ARHGEF3: variants seen among roughly 807,000 people sequenced by gnomAD.
The protein encoded by ARHGEF3 is Rho guanine nucleotide exchange factor 3, also known as 59.8 kDA protein.
ARHGEF3 carries 28 observed loss-of-function variants against 63.2 expected under a neutral mutation model. That is an observed-to-expected ratio of 0.44 (90% CI 0.33 to 0.61). The LOEUF (loss-of-function observed/expected upper bound fraction) is 0.61, where lower values mean the gene tolerates loss of function less well. Ranked by LOEUF, ARHGEF3 falls within the 20% of genes least tolerant of loss-of-function variation. The pLI, the probability that ARHGEF3 is intolerant of heterozygous loss-of-function variation, is 0.03. For synonymous variants in ARHGEF3, 266 were observed against 254.2 expected (o/e 1.05, Z -0.44); for missense variants, 533 against 659.3 (o/e 0.81, Z 2.10).
At chr3:56,902,403 G>C (rs1268321566) in intron 3 of ARHGEF3, among the ~76,000 whole-genome samples, 1 of 152,162 alleles carries the variant, frequency 6.6e-6, no homozygotes, top group African/African-American at 2.4e-5. Flanking sequence ...ATGAGAAAAT[G>C]AGTGTTTCAT....
At chr3:56,793,891 A>G (rs2107931293) in intron 1 of ARHGEF3, among the ~76,000 whole-genome samples, 1 of 152,344 alleles carries the variant, frequency 6.6e-6, no homozygotes, top group Non-Finnish European at 1.5e-5. Context: ...TCTCTTGTCT[A>G]AAGAAGCATA....
chr3:56,740,280 A>AC (rs1175002752), intron 7 of ARHGEF3, among the ~76,000 whole-genome samples: 4 of 151,736 alleles, frequency 2.6e-5, no homozygotes, highest in East Asian at 3.9e-4. Context: ...TAAAAAAAAA[A>AC]ACCCTTATTT....
chr3:56,841,561 GTTT>G (rs1426184686), intron 4 of ARHGEF3, among the ~76,000 whole-genome samples: 1 of 152,088 alleles, frequency 6.6e-6, no homozygotes, highest in Admixed American at 6.5e-5. Flanking sequence ...AAAAATTTAA[GTTT>G]AAACATAAGC....
chr3:57,039,808 A>C (rs1704104420), intron 1 of ARHGEF3, among the ~76,000 whole-genome samples: 1 of 152,166 alleles, frequency 6.6e-6, no homozygotes, highest in Non-Finnish European at 1.5e-5. Context: ...TCCTATAGGA[A>C]TCCTTGTGAC....
At chr3:56,968,260 TAAA>T (rs1307091783) in intron 2 of ARHGEF3, among the ~76,000 whole-genome samples, 2 of 29,546 alleles carry the variant, frequency 6.8e-5, no homozygotes, top group African/African-American at 8.4e-5. Flanking sequence ...ATATAATATT[TAAA>T]TATATAATAT....
At chr3:57,041,653 T>C (rs545976134) in intron 1 of ARHGEF3, among the ~76,000 whole-genome samples, 1 of 152,294 alleles carries the variant, frequency 6.6e-6, no homozygotes, top group South Asian at 2.1e-4. Flanking sequence ...CCAGGGAAAT[T>C]TACAAAAGCT....
chr3:56,809,569 T>C (rs2037990681), intron 4 of ARHGEF3, among the ~76,000 whole-genome samples: 1 of 152,142 alleles, frequency 6.6e-6, no homozygotes, highest in African/African-American at 2.4e-5. Flanking sequence ...AACTTATAAC[T>C]ATCAGCAGGC....
chr3:56,985,078 G>C (rs5020497), intron 2 of ARHGEF3, among the ~76,000 whole-genome samples: 118,820 of 152,164 alleles, frequency 0.78, 47,150 homozygotes, highest in Middle Eastern at 0.86. Flanking sequence ...TCTTCTAACA[G>C]AAACACATGA....
chr3:56,844,480 G>C (rs4681913), intron 4 of ARHGEF3, among the ~76,000 whole-genome samples: 130,911 of 152,192 alleles, frequency 0.86, 56,378 homozygotes, highest in East Asian at 0.97. Context: ...ATAAAAGATA[G>C]AAAATCTTTC....
At chr3:56,761,713 G>A (rs1241318831) in intron 2 of ARHGEF3, among the ~76,000 whole-genome samples, 1 of 152,154 alleles carries the variant, frequency 6.6e-6, no homozygotes, top group Non-Finnish European at 1.5e-5. Flanking sequence ...TACAGACAAG[G>A]AAACTTGAGG....
intron 3 of ARHGEF3, among the ~76,000 whole-genome samples, chr3:56,906,845 A>AAAAAG (rs1553777425): frequency 1.3e-5 from 2 of 151,860 alleles, no homozygotes; most frequent in African/African-American, 2.4e-5. Context: ...TCAAAAAAAA[A>AAAAAG]AAAGAAAGAA....
In ARHGEF3 at chr3:56,770,933, G is replaced by A. The variant is rs138153219; in HGVS notation, c.204+2776C>T. ...TTGAGACCAGTCTGGCCAACATGGAGAAACACCATCTCTACTAAAAATACA... is the reference window on the plus strand; with the variant it reads ...TTGAGACCAGTCTGGCCAACATGGAAAAACACCATCTCTACTAAAAATACA... On this transcript the variant is annotated intron_variant, in intron 2 of 9. Coordinates refer to ENST00000296315, the MANE Select transcript of ARHGEF3 (RefSeq NM_019555.3). Among the ~76,000 whole-genome samples the A allele has an allele frequency of 3.1e-4, 47 of 152,190 alleles. No individual in the cohort carries two copies. The East Asian group carries it at 8.9e-3, about 29-fold the overall frequency.
At chr3:56,991,092 T>A (rs1701729264) in intron 2 of ARHGEF3, among the ~76,000 whole-genome samples, 1 of 152,164 alleles carries the variant, frequency 6.6e-6, no homozygotes, top group African/African-American at 2.4e-5. Context: ...CCATGTCTTT[T>A]ACCGCCCCAA....
intron 4 of ARHGEF3, among the ~76,000 whole-genome samples, chr3:56,840,202 A>G (rs971862044): frequency 6.6e-5 from 10 of 152,236 alleles, no homozygotes; most frequent in African/African-American, 9.6e-5. Context: ...TGAAAAAGGC[A>G]TGCAGTGCCT....
intron 2 of ARHGEF3, among the ~76,000 whole-genome samples, chr3:56,964,920 G>C (rs182598050): frequency 3.3e-5 from 5 of 152,244 alleles, no homozygotes; most frequent in Admixed American, 3.3e-4. Flanking sequence ...TTCAAAAAGA[G>C]GTGGAAAGGA....
chr3:57,057,190 C>CA (rs1468825682), intron 1 of ARHGEF3, among the ~76,000 whole-genome samples: 2 of 152,154 alleles, frequency 1.3e-5, no homozygotes, highest in African/African-American at 4.8e-5. Context: ...CGGCTCACTG[C>CA]AACCTCTGCC....
At chr3:56,869,967 T>C (rs998130108) in intron 4 of ARHGEF3, among the ~76,000 whole-genome samples, 4 of 151,582 alleles carry the variant, frequency 2.6e-5, no homozygotes, top group African/African-American at 9.7e-5. Context: ...CTACAATTTA[T>C]ATATATATAT....
intron 1 of ARHGEF3, among the ~76,000 whole-genome samples, chr3:57,076,047 G>C (rs773523784): frequency 6.6e-6 from 1 of 152,118 alleles, no homozygotes; most frequent in Non-Finnish European, 1.5e-5. Context: ...ATGAATTAAA[G>C]AATATTTGTA....
chr3:56,862,707 C>G lies in ARHGEF3; in HGVS notation c.192+19585G>C, dbSNP rs116746635. Among the ~76,000 whole-genome samples, 743 of 152,288 alleles carry G rather than the reference C, an allele frequency of 4.9e-3. 8 individuals are homozygous for G. Among genetic ancestry groups the G allele is most frequent in the African/African-American group, 0.016 (664 of 41,560 alleles). On this transcript the variant is annotated intron_variant, in intron 4 of 12. Transcript: ENST00000338458. The stretch of plus-strand genomic sequence containing the variant: ...TATTTTTTTAAGGTCAATGAAAATG[C>G]TATCAACACTCCTCCATTGGAAAAT...
Sources: gnomAD v4.1 joint callset for allele counts (sites outside exome capture counted in the v4.1 genomes callset) on GRCh38, gnomAD v4.1.1 for gene constraint, MANE v1.5 for transcripts, NCBI Gene and HGNC (gene_info 2026-07-23, HGNC 2026-07-21) for gene names.